Variants in GNB5 observed in about 807,000 individuals in gnomAD.
GNB5 encodes G protein subunit beta 5.
Under a neutral mutation model 55.3 loss-of-function variants are expected in GNB5, and 37 were observed. The observed-to-expected ratio is 0.67, with a 90% CI of 0.51 to 0.88. The LOEUF (loss-of-function observed/expected upper bound fraction) is 0.88, where lower values mean the gene tolerates loss of function less well. Ranked by LOEUF, GNB5 falls within the 40% of genes least tolerant of loss-of-function variation. The probability of loss-of-function intolerance (pLI) is 0.00; values close to 1 mark genes in which losing one functional copy is unlikely to be tolerated. For missense variants in GNB5, 476 were observed against 515.3 expected, an observed-to-expected ratio of 0.92 and a Z score of 0.74; for synonymous variants, 219 against 198.5, an observed-to-expected ratio of 1.10 and a Z score of -0.87.
chr15:52,126,166 T>C (rs865927723), intron 10 of GNB5, 122 bp from the exon 11 acceptor site: 4 of 604,634 alleles, frequency 6.6e-6, no homozygotes, highest in Middle Eastern at 6.8e-4. Flanking sequence ...AAAAACTTCT[T>C]AGTTTTCCCT....
intron 7 of GNB5, chr15:52,137,778 T>C: frequency 8.1e-7 from 1 of 1,230,014 alleles, no homozygotes; most frequent in Non-Finnish European, 1.0e-6. Context: ...CACAGAGCCC[T>C]GGAGCCAGCT....
chr15:52,117,995 C>T lies in GNB5; in HGVS notation c.*4762G>A, dbSNP rs1412627711. 1 of 152,786 alleles carries T rather than the reference C, an allele frequency of 6.5e-6. No homozygotes were observed. The highest frequency in any genetic ancestry group is 6.5e-5 in the Admixed American group (1 of 15,292). 9.5% of individuals were successfully genotyped at this position (152,786 alleles called of 1,614,324 possible). A position where few individuals can be genotyped will look rare whatever the true frequency, so the allele number is the denominator to read the frequency against. On this transcript the variant is annotated 3_prime_UTR_variant, in exon 13 of 13. Transcript: ENST00000261837. ...CTCAGCCCCAGTCTTCTACCCCACC[C>T]ACTGTGCCTTCCCCAGGCTTCCAGG... is the stretch of plus-strand genomic sequence containing the variant.
intron 9 of GNB5, among the ~76,000 whole-genome samples, chr15:52,130,520 A>T (rs1181738504): frequency 6.6e-6 from 1 of 152,254 alleles, no homozygotes; most frequent in African/African-American, 2.4e-5. Flanking sequence ...AATTGGGTTT[A>T]TGTCTCCATT....
At chr15:52,136,113 AACACACACACACACACACACACACAC>A (rs751263225) in intron 7 of GNB5, among the ~76,000 whole-genome samples, 3 of 50,724 alleles carry the variant, frequency 5.9e-5, no homozygotes, top group African/African-American at 2.4e-4. Flanking sequence ...AAAAGCAGAA[AACACACACACACACACACACACACAC>A]ACACACACAC....
At chr15:52,188,089 G>T (rs1486600304) in intron 1 of GNB5, among the ~76,000 whole-genome samples, 2 of 152,120 alleles carry the variant, frequency 1.3e-5, no homozygotes, top group Admixed American at 1.3e-4. Flanking sequence ...ATCTTTATAA[G>T]TATATATGTG....
chr15:52,128,131 T>C (rs538673191), intron 10 of GNB5, 65 bp downstream of exon 10: 406 of 1,038,962 alleles, frequency 3.9e-4, no homozygotes, highest in Middle Eastern at 8.1e-4. Flanking sequence ...ATAGTTATTT[T>C]CTTAAAATAA....
At chr15:52,157,473 T>C (rs959599446) in intron 3 of GNB5, among the ~76,000 whole-genome samples, 18 of 152,108 alleles carry the variant, frequency 1.2e-4, no homozygotes, top group African/African-American at 4.3e-4. Context: ...CTCGATCATC[T>C]GACCTCGTGA....
At chr15:52,136,170 A>ACC (rs1566935792) in intron 7 of GNB5, among the ~76,000 whole-genome samples, 21 of 114,462 alleles carry the variant, frequency 1.8e-4, no homozygotes, top group African/African-American at 6.5e-4. Flanking sequence ...ACACACACAC[A>ACC]CACCCTACCT....
At chr15:52,165,805 C>G (rs2034439869) in intron 3 of GNB5, among the ~76,000 whole-genome samples, 1 of 152,294 alleles carries the variant, frequency 6.6e-6, no homozygotes, top group African/African-American at 2.4e-5. Flanking sequence ...AAATAACTAG[C>G]TAGCATCATG....
At chr15:52,182,501 G>C (rs2141242353) in intron 2 of GNB5, among the ~76,000 whole-genome samples, 1 of 152,312 alleles carries the variant, frequency 6.6e-6, no homozygotes, top group Middle Eastern at 3.4e-3. Context: ...ACTATCTAGA[G>C]ATGAGGCCAT....
chr15:52,136,064 A>AAC (rs147163026), intron 7 of GNB5, among the ~76,000 whole-genome samples: 3,497 of 97,990 alleles, frequency 0.036, 193 homozygotes, highest in East Asian at 0.082. Context: ...GGAAAAGCAG[A>AAC]ACACACACAC....
Position 52,125,983 on chromosome 15 carries a change from A to G in GNB5, c.974T>C (p.Ile325Thr). 6.3e-7 allele frequency: 1 copy of G among 1,578,828 alleles called. No homozygotes were observed. The highest frequency in any genetic ancestry group is 8.7e-7 in the Non-Finnish European group (1 of 1,151,426). ...GAAGTCCACGCTGGATGCTCCAAATATGATGCTTTCTTTGGAATAGATGGC... is the reference window on the plus strand; with the variant it reads ...GAAGTCCACGCTGGATGCTCCAAATGTGATGCTTTCTTTGGAATAGATGGC... ...EVAIYSKESI[I>T]FGASSVDFSL... The change falls in exon 11 of 13, where the codon ATA (isoleucine) becomes ACA (threonine). Residue 325 changes from isoleucine to threonine, a missense_variant. Ile to Thr is a moderately conservative substitution (Grantham distance 89, BLOSUM62 -1). Transcript: ENST00000261837.
Position 52,153,952 on chromosome 15 carries a change from C to A in GNB5, c.363G>T (p.Val121=). 6.2e-7 allele frequency: 1 copy of A among 1,613,196 alleles called. No homozygotes were observed. The highest frequency in any genetic ancestry group is 8.5e-7 in the Non-Finnish European group (1 of 1,179,334). The change falls in exon 4 of 13, where the codon GTG becomes GTT. Residue 121 remains valine (V), a synonymous_variant. Coordinates refer to ENST00000261837, the MANE Select transcript of GNB5 (RefSeq NM_016194.4). ...AGGTGTGACATACCTGTGACGAGCTCACGATCCTCCTCTTATCTTTGCACC... is the reference window on the plus strand; with the variant it reads ...AGGTGTGACATACCTGTGACGAGCTAACGATCCTCCTCTTATCTTTGCACC... ...MDWCKDKRRI[V]SSSQDGKVIV... is the part of the protein sequence containing the mutation.
intron 3 of GNB5, among the ~76,000 whole-genome samples, chr15:52,178,053 G>A (rs991546538): frequency 6.6e-6 from 1 of 152,194 alleles, no homozygotes; most frequent in African/African-American, 2.4e-5. Context: ...CAAATTCACA[G>A]AAAACCTGAA....
chr15:52,152,916 T>C (rs2034130728), intron 4 of GNB5, among the ~76,000 whole-genome samples: 1 of 152,258 alleles, frequency 6.6e-6, no homozygotes, highest in Non-Finnish European at 1.5e-5. Flanking sequence ...TGAGCCACTA[T>C]AACCAGCCTG....
rs1461154001 is a variant in GNB5 at position 52,119,321 on chromosome 15, G to C, written c.*3436C>G. On this transcript the variant is annotated 3_prime_UTR_variant, in exon 13 of 13. Coordinates refer to ENST00000261837, the MANE Select transcript of GNB5 (RefSeq NM_016194.4). The stretch of plus-strand genomic sequence containing the variant: ...GGGAGGAGGTGATGAGAGGGAGGGA[G>C]GAGGGGTGACAGGAGGAAGGGAGGA... 1.1e-5 allele frequency: 1 copy of C among 91,610 alleles called. No homozygotes were observed. Among genetic ancestry groups the C allele is most frequent in the East Asian group, 3.3e-4 (1 of 3,042 alleles). 5.7% of individuals were successfully genotyped at this position (91,610 alleles called of 1,614,324 possible).
At chr15:52,154,857 A>G (rs2034174334) in intron 3 of GNB5, among the ~76,000 whole-genome samples, 1 of 152,174 alleles carries the variant, frequency 6.6e-6, no homozygotes, top group Non-Finnish European at 1.5e-5. Context: ...CACCACCTAC[A>G]CCAGAAAGGA....
chr15:52,153,394 T>A (rs1348636777), intron 4 of GNB5, among the ~76,000 whole-genome samples: 1 of 152,244 alleles, frequency 6.6e-6, no homozygotes, highest in Non-Finnish European at 1.5e-5. Context: ...AACCACCCAA[T>A]GGAGCCACTC....
In GNB5 at chr15:52,117,102, A is replaced by ATATATATTTTTTTTTTTTTTTTTTTTTT; in HGVS notation, c.*5654_*5655insAAAAAAAAAAAAAAAAAAAAAATATATA. 2 of 87,100 alleles carry ATATATATTTTTTTTTTTTTTTTTTTTTT rather than the reference A, an allele frequency of 2.3e-5. No individual in the cohort carries two copies. Among genetic ancestry groups the ATATATATTTTTTTTTTTTTTTTTTTTTT allele is most frequent in the African/African-American group, 6.1e-5 (1 of 16,420 alleles). 5.4% of individuals were successfully genotyped at this position (87,100 alleles called of 1,614,324 possible). A position where few individuals can be genotyped will look rare whatever the true frequency, so the allele number is the denominator to read the frequency against. ...CCACGCCCAGCTAATATATATATAT[A>ATATATATTTTTTTTTTTTTTTTTTTTTT]TTTTTTTTTAGTACAGACAGGGTTT... On this transcript the variant is annotated 3_prime_UTR_variant, in exon 13 of 13. Transcript: ENST00000261837.
Sources: allele counts gnomAD v4.1 joint callset (sites outside exome capture counted in the v4.1 genomes callset), GRCh38; gene constraint gnomAD v4.1.1; transcripts MANE v1.5; gene names NCBI Gene and HGNC (gene_info 2026-07-23, HGNC 2026-07-21).